Variants in SPATA18 observed in about 807,000 individuals in gnomAD.
SPATA18 encodes mitochondria-eating protein.
A neutral mutation model predicts 68.1 loss-of-function variants in SPATA18; 54 were observed. That is an observed-to-expected ratio of 0.79 (90% CI 0.64 to 0.99). The LOEUF (loss-of-function observed/expected upper bound fraction) is 0.99, where lower values mean the gene tolerates loss of function less well. Ranked by LOEUF, SPATA18 falls within the 50% of genes least tolerant of loss-of-function variation. SPATA18 has a pLI of 0.00. For synonymous variants in SPATA18, 242 were observed against 244.8 expected (o/e 0.99, Z 0.11); for missense variants, 724 against 681.1 (o/e 1.06, Z -0.70).
In SPATA18 at chr4:52,051,429, GT is replaced by G. The variant is rs1438921307; in HGVS notation, c.-275del. 1 of 477,160 alleles carries G rather than the reference GT, an allele frequency of 2.1e-6. No individual in the cohort carries two copies. The highest frequency in any genetic ancestry group is 3.7e-6 in the Non-Finnish European group (1 of 266,698). The allele number at this position is 477,160 out of a possible 1,614,324, so 29.6% of individuals were successfully genotyped here. A position where few individuals can be genotyped will look rare whatever the true frequency, so the allele number is the denominator to read the frequency against. ...CAAGGTTTGTTTAATAATCGCCAGG[GT>G]ATCTATGGCCGGGCTCAGGCGGCTG... On this transcript the variant is annotated 5_prime_UTR_variant, in exon 1 of 13. Transcript: ENST00000295213.
At chr4:52,068,590 G>T (rs1377314120) in intron 4 of SPATA18, among the ~76,000 whole-genome samples, 1 of 152,202 alleles carries the variant, frequency 6.6e-6, no homozygotes, top group Non-Finnish European at 1.5e-5. Flanking sequence ...GGATCTGTGG[G>T]ATTGACAGGG....
intron 1 of SPATA18, among the ~76,000 whole-genome samples, chr4:52,057,938 AC>A (rs1420019806): frequency 6.6e-6 from 1 of 152,242 alleles, no homozygotes; most frequent in Non-Finnish European, 1.5e-5. Context: ...GTCACATAGA[AC>A]TGTGGCAAGC....
In SPATA18 at chr4:52,064,343, G is replaced by A. The variant is rs369381784; in HGVS notation, c.422+2011G>A. The stretch of plus-strand genomic sequence containing the variant: ...TTTGGTTACATGGATAAATTGTTTG[G>A]TGGTGATTTCTGAGATTTTGGTGCA... On this transcript the variant is annotated intron_variant, in intron 4 of 12. Transcript: ENST00000295213. 2.1e-4 allele frequency among the ~76,000 whole-genome samples: 32 copies of A among 152,144 alleles called. 3 individuals are homozygous for A. In the East Asian group the frequency reaches 5.8e-3, roughly 28 times the overall value.
At chr4:52,054,234 G>A (rs1431794832) in intron 1 of SPATA18, among the ~76,000 whole-genome samples, 1 of 152,232 alleles carries the variant, frequency 6.6e-6, no homozygotes, top group African/African-American at 2.4e-5. Context: ...GTCTCAGACA[G>A]CACAGTTCTA....
At chr4:52,052,125 T>C (rs555309213) in intron 1 of SPATA18, among the ~76,000 whole-genome samples, 6 of 151,754 alleles carry the variant, frequency 4.0e-5, no homozygotes, top group Admixed American at 2.6e-4. Context: ...GCTGGTCTGG[T>C]CATGCCTGCC....
rs369422563 is a variant in SPATA18 at position 52,078,820 on chromosome 4, A to G, written c.1106A>G (p.Asn369Ser). The change falls in exon 8 of 13, where the codon AAT (asparagine) becomes AGT (serine). Residue 369 changes from asparagine (N) to serine (S), a missense_variant. Coordinates refer to ENST00000295213, the MANE Select transcript of SPATA18 (RefSeq NM_145263.4). ...TTGACACCATCTTATGTGGGGTCGA[A>G]TGACTTTGAGAATGCTGTCTTGGAT... ...KSLTPSYVGS[N>S]DFENAVLDYV... 1.2e-6 allele frequency: 2 copies of G among 1,609,988 alleles called. No individual in the cohort carries two copies. The highest frequency in any genetic ancestry group is 1.7e-6 in the Non-Finnish European group (2 of 1,176,604).
Position 52,094,520 on chromosome 4 carries a change from T to G in SPATA18, c.1564-7T>G, listed in dbSNP as rs1441462606. On this transcript the variant is annotated splice_polypyrimidine_tract_variant and splice_region_variant and intron_variant, in intron 11 of 12. Coordinates refer to ENST00000295213, the MANE Select transcript of SPATA18 (RefSeq NM_145263.4). ...TGTAATTCACATTATTCTTTTATAT[T>G]TTCCAGATGTCTCGAAGTCGGAGTC... is the stretch of plus-strand genomic sequence containing the variant. The G allele has an allele frequency of 1.9e-6, 3 of 1,612,540 alleles. No homozygotes were observed. The highest frequency in any genetic ancestry group is 3.3e-5 in the Admixed American group (2 of 59,848).
At chr4:52,085,537 A>G (rs533697813) in intron 11 of SPATA18, among the ~76,000 whole-genome samples, 2 of 152,328 alleles carry the variant, frequency 1.3e-5, no homozygotes, top group South Asian at 2.1e-4. Flanking sequence ...CAGCAAAAAC[A>G]TCATGAAAAC....
intron 4 of SPATA18, among the ~76,000 whole-genome samples, chr4:52,062,749 A>G (rs189465155): frequency 3.9e-5 from 6 of 152,338 alleles, no homozygotes; most frequent in Non-Finnish European, 7.4e-5. Context: ...ATTAAGAGAA[A>G]GACAGCAAAA....
rs757275124 is a variant in SPATA18, at chr4:52,079,871, C to T, written c.1307C>T (p.Pro436Leu). The change falls in exon 9 of 13, where the codon CCC becomes CTC. Residue 436 changes from proline to leucine, a missense_variant. Coordinates refer to ENST00000295213, the MANE Select transcript of SPATA18 (RefSeq NM_145263.4). ...IAFAMQALEP[P>L]LDIAYGADGE... The stretch of plus-strand genomic sequence containing the variant: ...TTTGCAATGCAGGCCTTAGAACCAC[C>T]CCTAGATATTGCATATGGAGCAGAT... 4 of 1,613,928 alleles carry T rather than the reference C, an allele frequency of 2.5e-6. No homozygotes were observed. Among genetic ancestry groups the T allele is most frequent in the South Asian group, 2.2e-5 (2 of 91,038 alleles).
intron 3 of SPATA18, among the ~76,000 whole-genome samples, chr4:52,061,520 T>C (rs1047297972): frequency 7.0e-6 from 1 of 142,866 alleles, no homozygotes; most frequent in East Asian, 2.1e-4. Flanking sequence ...ATAATAATAA[T>C]AACAGAAAGA....
In SPATA18 at chr4:52,089,508, A is replaced by T. The variant is rs1356468242; in HGVS notation, c.1563+4509A>T. ...TCTTCGTTCTCATTGGTTTCAAAGA[A>T]CATCTTTATTTCTGCCTTCATTTCG... On this transcript the variant is annotated intron_variant, in intron 11 of 12. Coordinates refer to ENST00000295213, the MANE Select transcript of SPATA18 (RefSeq NM_145263.4). Among the ~76,000 whole-genome samples the T allele has an allele frequency of 1.3e-5, 2 of 152,214 alleles. 1 individual carries two copies.
At chr4:52,063,939 T>C in intron 4 of SPATA18, among the ~76,000 whole-genome samples, 1 of 152,152 alleles carries the variant, frequency 6.6e-6, no homozygotes, top group East Asian at 1.9e-4. Context: ...TTACTGGTTC[T>C]TGATGGCTGT....
At chr4:52,057,824 T>C (rs941071470) in intron 1 of SPATA18, among the ~76,000 whole-genome samples, 2 of 152,222 alleles carry the variant, frequency 1.3e-5, no homozygotes, top group Non-Finnish European at 2.9e-5. Flanking sequence ...TCTGAGGTGC[T>C]GGGCGTGTAT....
chr4:52,092,797 T>C (rs1742092327), intron 11 of SPATA18, among the ~76,000 whole-genome samples: 1 of 152,196 alleles, frequency 6.6e-6, no homozygotes, highest in Non-Finnish European at 1.5e-5. Flanking sequence ...TGTTATCTTC[T>C]CTGAATAGGT....
At chr4:52,054,978 A>G (rs1738214042) in intron 1 of SPATA18, among the ~76,000 whole-genome samples, 1 of 152,012 alleles carries the variant, frequency 6.6e-6, no homozygotes, top group Admixed American at 6.6e-5. Context: ...TTATTGCTGT[A>G]AAGAGTCTGT....
intron 8 of SPATA18, 107 bp from the exon 9 acceptor site, chr4:52,079,637 G>A: frequency 7.8e-7 from 1 of 1,284,918 alleles, no homozygotes; most frequent in Non-Finnish European, 1.1e-6. Flanking sequence ...AACTTGCTTT[G>A]GCTCACATTC....
intron 11 of SPATA18, among the ~76,000 whole-genome samples, chr4:52,091,465 G>A (rs1468515104): frequency 6.6e-6 from 1 of 152,094 alleles, no homozygotes; most frequent in Non-Finnish European, 1.5e-5. Context: ...ACCTTTGGAT[G>A]GGGTCTTTGA....
intron 5 of SPATA18, among the ~76,000 whole-genome samples, chr4:52,071,561 T>G (rs1461071520): frequency 3.3e-5 from 5 of 152,214 alleles, no homozygotes; most frequent in Admixed American, 6.5e-5. Flanking sequence ...TTAGACCAGC[T>G]GCCTGAATAG....
Sources: allele counts gnomAD v4.1 joint callset (sites outside exome capture counted in the v4.1 genomes callset), GRCh38; gene constraint gnomAD v4.1.1; transcripts MANE v1.5; gene names NCBI Gene and HGNC (gene_info 2026-07-23, HGNC 2026-07-21).